AFF2: variants seen among roughly 807,000 people sequenced by gnomAD.
The protein encoded by AFF2 is AF4/FMR2 family member 2.
AFF2 carries 14 observed loss-of-function variants against 76.9 expected under a neutral mutation model. The ratio of observed to expected loss-of-function variants is 0.18; its 90% CI spans 0.12 to 0.28. The LOEUF is 0.28. Ranked by LOEUF, AFF2 falls within the 10% of genes least tolerant of loss-of-function variation. AFF2 has a pLI of 1.00. For synonymous variants in AFF2, 398 were observed against 366.7 expected (o/e 1.09, Z -0.98); for missense variants, 868 against 1,001.1 (o/e 0.87, Z 1.79).
At chrX:148,949,931 G>A (rs1166217585) in intron 9 of AFF2, among the ~76,000 whole-genome samples, 1 of 112,526 alleles carries the variant, frequency 8.9e-6, no homozygotes, top group Non-Finnish European at 1.9e-5. Flanking sequence ...GCAGAATCAA[G>A]TATTACATGG....
At chrX:148,971,048 T>C (rs1432274771) in intron 15 of AFF2, among the ~76,000 whole-genome samples, 2 of 110,435 alleles carry the variant, frequency 1.8e-5, no homozygotes, top group East Asian at 5.7e-4. Flanking sequence ...AAACCACATA[T>C]GATACCCTGC....
intron 3 of AFF2, among the ~76,000 whole-genome samples, chrX:148,716,523 C>G: frequency 9.0e-6 from 1 of 111,077 alleles, no homozygotes; most frequent in East Asian, 2.8e-4. Flanking sequence ...ATTATTGGTC[C>G]TACATATATT....
At chrX:148,733,300 A>T (rs1557264827) in intron 3 of AFF2, among the ~76,000 whole-genome samples, 1 of 111,556 alleles carries the variant, frequency 9.0e-6, no homozygotes, top group Non-Finnish European at 1.9e-5. Flanking sequence ...CAACACCCAC[A>T]TCTCCAGTAC....
At chrX:148,922,434 T>C (rs1212788505) in intron 9 of AFF2, among the ~76,000 whole-genome samples, 9 of 112,181 alleles carry the variant, frequency 8.0e-5, no homozygotes, top group African/African-American at 2.9e-4. Context: ...CCAATCAGGA[T>C]TTATCAAAAA....
chrX:148,789,505 C>T (rs2069863978), intron 3 of AFF2, among the ~76,000 whole-genome samples: 1 of 111,743 alleles, frequency 8.9e-6, no homozygotes, highest in Non-Finnish European at 1.9e-5. Flanking sequence ...CCCTTCATTT[C>T]ATAGTGAGGA....
chrX:148,787,358 G>A (rs963656710), intron 3 of AFF2, among the ~76,000 whole-genome samples: 5 of 111,027 alleles, frequency 4.5e-5, no homozygotes, highest in African/African-American at 1.6e-4. Context: ...ACGTTTATTT[G>A]GACAGTCCAA....
intron 3 of AFF2, chrX:148,719,280 T>C (rs188901204): frequency 5.1e-4 from 490 of 964,178 alleles, no homozygotes; most frequent in Non-Finnish European, 8.4e-5. Flanking sequence ...GCCAAAGGCT[T>C]AACAAGTAGC....
intron 15 of AFF2, among the ~76,000 whole-genome samples, chrX:148,973,257 A>C (rs941008008): frequency 1.8e-5 from 2 of 111,246 alleles, no homozygotes; most frequent in Non-Finnish European, 3.8e-5. Context: ...CTATTGTGGG[A>C]GCTATTTTGG....
At chrX:148,637,075 G>A (rs2054039329) in intron 1 of AFF2, among the ~76,000 whole-genome samples, 1 of 111,951 alleles carries the variant, frequency 8.9e-6, no homozygotes, top group Admixed American at 9.5e-5. Context: ...ACAATGTTCA[G>A]AAACTACTTA....
At position 148,501,156 on chromosome X, in the gene AFF2, T is replaced by A; in HGVS notation, c.47+12T>A. 8.3e-7 allele frequency: 1 copy of A among 1,209,452 alleles called. No homozygotes were observed. Among genetic ancestry groups the A allele is most frequent in the South Asian group, 1.8e-5 (1 of 56,909 alleles). On this transcript the variant is annotated intron_variant, in intron 1 of 20. Coordinates refer to ENST00000370460, the MANE Select transcript of AFF2 (RefSeq NM_002025.4). Reference sequence around the variant, plus strand: ...TTGGAGCAGCAGTGGTAGGTGTTGATTTTTGCCTTCTCCTTTGATGAGCGA... The same window carrying A: ...TTGGAGCAGCAGTGGTAGGTGTTGAATTTTGCCTTCTCCTTTGATGAGCGA...
At chrX:148,684,220 G>A (rs2054578136) in intron 3 of AFF2, among the ~76,000 whole-genome samples, 1 of 112,112 alleles carries the variant, frequency 8.9e-6, no homozygotes, top group Non-Finnish European at 1.9e-5. Flanking sequence ...GCAAAATTAA[G>A]AATAGATTAT....
chrX:148,917,376 T>C (rs1316146891), intron 9 of AFF2, among the ~76,000 whole-genome samples: 3 of 112,268 alleles, frequency 2.7e-5, no homozygotes, highest in Non-Finnish European at 3.8e-5. Flanking sequence ...AGAAGTCAAA[T>C]TTTCATAACA....
At chrX:148,870,563 CTGT>C (rs1466096798) in intron 7 of AFF2, among the ~76,000 whole-genome samples, 1 of 111,903 alleles carries the variant, frequency 8.9e-6, no homozygotes, top group Non-Finnish European at 1.9e-5. Flanking sequence ...ACAGATCAGG[CTGT>C]TGTTCCACAT....
chrX:148,886,143 G>A (rs1411963530), intron 8 of AFF2, among the ~76,000 whole-genome samples, 158 bp downstream of exon 8: 3 of 111,679 alleles, frequency 2.7e-5, no homozygotes, highest in Non-Finnish European at 5.6e-5. Flanking sequence ...TTCTGGAACA[G>A]GTCAAATCAG....
intron 3 of AFF2, among the ~76,000 whole-genome samples, chrX:148,754,799 C>G (rs1455439987): frequency 8.9e-6 from 1 of 111,764 alleles, no homozygotes; most frequent in Non-Finnish European, 1.9e-5. Context: ...AGAGACTGTT[C>G]AATTCAACTG....
chrX:148,635,714 A>C (rs1485282293), intron 1 of AFF2, among the ~76,000 whole-genome samples: 2 of 111,549 alleles, frequency 1.8e-5, no homozygotes, highest in African/African-American at 6.5e-5. Context: ...AACAAGGAAG[A>C]TGAATCACAG....
At chrX:148,590,840 T>C (rs2053516183) in intron 1 of AFF2, among the ~76,000 whole-genome samples, 1 of 112,097 alleles carries the variant, frequency 8.9e-6, no homozygotes, top group Non-Finnish European at 1.9e-5. Flanking sequence ...TAAACATAGA[T>C]GGGGAAAGAA....
intron 1 of AFF2, among the ~76,000 whole-genome samples, chrX:148,624,638 G>A (rs1484422890): frequency 1.8e-5 from 2 of 111,387 alleles, no homozygotes; most frequent in Non-Finnish European, 3.8e-5. Context: ...ATTTCTTTTT[G>A]TTTACATATC....
intron 1 of AFF2, among the ~76,000 whole-genome samples, chrX:148,612,476 C>G (rs1248007442): frequency 1.8e-5 from 2 of 112,066 alleles, no homozygotes; most frequent in African/African-American, 6.5e-5. Context: ...GTTGCTGCTG[C>G]CAAACTAAGA....
Sources: gnomAD v4.1 joint callset for allele counts (sites outside exome capture counted in the v4.1 genomes callset) on GRCh38, gnomAD v4.1.1 for gene constraint, MANE v1.5 for transcripts, NCBI Gene and HGNC (gene_info 2026-07-23, HGNC 2026-07-21) for gene names.